SCLT1: variants seen among roughly 807,000 people sequenced by gnomAD.
SCLT1 encodes sodium channel and clathrin linker 1.
A neutral mutation model predicts 112.8 loss-of-function variants in SCLT1; 78 were observed. That is an observed-to-expected ratio of 0.69 (90% CI 0.58 to 0.83). The LOEUF (loss-of-function observed/expected upper bound fraction) is 0.83. SCLT1 is among the 40% of genes least tolerant of loss of function. The pLI is 0.00. For synonymous variants in SCLT1, 257 were observed against 254.7 expected (o/e 1.01, Z -0.09); for missense variants, 747 against 770.4 (o/e 0.97, Z 0.36).
chr4:129,083,749 T>C (rs1473695774), intron 1 of SCLT1, among the ~76,000 whole-genome samples: 1 of 152,192 alleles, frequency 6.6e-6, no homozygotes, highest in African/African-American at 2.4e-5. Flanking sequence ...GAAAATGTGA[T>C]ACCTCCAAAC....
chr4:128,986,424 G>A (rs1052038096), intron 9 of SCLT1, among the ~76,000 whole-genome samples: 2 of 152,170 alleles, frequency 1.3e-5, no homozygotes, highest in Admixed American at 6.5e-5. Flanking sequence ...CAGTCCTAAG[G>A]CAAGCCCTGG....
intron 2 of SCLT1, among the ~76,000 whole-genome samples, chr4:129,064,263 A>G (rs905255328): frequency 1.3e-5 from 2 of 152,206 alleles, no homozygotes; most frequent in Admixed American, 6.6e-5. Flanking sequence ...TTTTTCTGTC[A>G]GTCTGTGGTA....
At chr4:129,006,107 G>A (rs982196676) in intron 5 of SCLT1, among the ~76,000 whole-genome samples, 1 of 151,090 alleles carries the variant, frequency 6.6e-6, no homozygotes, top group African/African-American at 2.4e-5. Flanking sequence ...CATGGCACAG[G>A]TATACATATG....
chr4:129,041,778 C>T (rs1244913218), intron 4 of SCLT1: 1 of 152,250 alleles, frequency 6.6e-6, no homozygotes, highest in Non-Finnish European at 1.5e-5. Flanking sequence ...CAGAGTCTCA[C>T]TCTGTTGCCC....
chr4:129,067,011 CA>C (rs1206338272), intron 2 of SCLT1, among the ~76,000 whole-genome samples: 7 of 151,944 alleles, frequency 4.6e-5, no homozygotes, highest in Non-Finnish European at 8.8e-5. Context: ...TGAAACATAA[CA>C]AAATCTGAAA....
downstream of SCLT1, among the ~76,000 whole-genome samples, chr4:128,881,954 G>A (rs1382048986): frequency 6.6e-6 from 1 of 152,088 alleles, no homozygotes; most frequent in Non-Finnish European, 1.5e-5. Flanking sequence ...AGTACGCAAG[G>A]AGATCCAAGA....
At chr4:129,082,958 G>A (rs1178153329) in intron 1 of SCLT1, among the ~76,000 whole-genome samples, 2 of 152,066 alleles carry the variant, frequency 1.3e-5, no homozygotes, top group South Asian at 2.1e-4. Flanking sequence ...TTGGGAGGCC[G>A]AGGCAGATGG....
rs189378336 is a variant in SCLT1, at chr4:129,069,138, T to C, written c.102+13168A>G. On this transcript the variant is annotated intron_variant, in intron 2 of 20. Coordinates refer to ENST00000281142, the MANE Select transcript of SCLT1 (RefSeq NM_144643.4). ...ATTCCGTTCCATTGGTCTATGTGCCTATTTTTATACCAGTACCATGCTGTT... is the reference window on the plus strand; with the variant it reads ...ATTCCGTTCCATTGGTCTATGTGCCCATTTTTATACCAGTACCATGCTGTT... Among the ~76,000 whole-genome samples, 734 of 152,330 alleles carry C rather than the reference T, an allele frequency of 4.8e-3. 6 individuals carry two copies. The highest frequency in any genetic ancestry group is 0.017 in the African/African-American group (697 of 41,578).
At chr4:129,077,113 C>T (rs2125765234) in intron 2 of SCLT1, among the ~76,000 whole-genome samples, 1 of 152,124 alleles carries the variant, frequency 6.6e-6, no homozygotes, top group South Asian at 2.1e-4. Flanking sequence ...GAACAATAAG[C>T]TTCAAAATGG....
chr4:129,057,820 C>A (rs562347122), intron 2 of SCLT1, among the ~76,000 whole-genome samples: 8 of 151,248 alleles, frequency 5.3e-5, no homozygotes, highest in Admixed American at 2.0e-4. Flanking sequence ...GGCATGATCT[C>A]GACTCACTGC....
At chr4:128,935,486 C>T (rs1456271569) in intron 18 of SCLT1, among the ~76,000 whole-genome samples, 3 of 152,008 alleles carry the variant, frequency 2.0e-5, no homozygotes, top group Non-Finnish European at 4.4e-5. Flanking sequence ...TCTGTGTATT[C>T]ATTATCTATG....
At chr4:128,974,769 G>A (rs981864826) in intron 9 of SCLT1, among the ~76,000 whole-genome samples, 2 of 151,916 alleles carry the variant, frequency 1.3e-5, no homozygotes, top group African/African-American at 4.8e-5. Flanking sequence ...ACATGCAAAT[G>A]TTTTAGATAT....
In SCLT1 at chr4:129,029,277, C is replaced by G. The variant is rs185183440; in HGVS notation, c.290+9764G>C. On this transcript the variant is annotated intron_variant, in intron 5 of 20. Coordinates refer to ENST00000281142, the MANE Select transcript of SCLT1 (RefSeq NM_144643.4). Reference sequence around the variant, plus strand: ...CAATAGCAAAGACTTGGAACCAACCCAAATGTCCAACAATGATAGACTGGA... The same window carrying G: ...CAATAGCAAAGACTTGGAACCAACCGAAATGTCCAACAATGATAGACTGGA... Among the ~76,000 whole-genome samples, 1,172 of 152,052 alleles carry G rather than the reference C, an allele frequency of 7.7e-3. 37 individuals are homozygous for G. In the East Asian group the frequency reaches 0.08, roughly 10 times the overall value.
At chr4:128,938,787 G>A (rs1382388777) in intron 17 of SCLT1, among the ~76,000 whole-genome samples, 1 of 152,130 alleles carries the variant, frequency 6.6e-6, no homozygotes, top group Non-Finnish European at 1.5e-5. Context: ...TTCGAAACCA[G>A]CCTGGCCAAC....
intron 2 of SCLT1, among the ~76,000 whole-genome samples, chr4:129,055,104 C>G (rs1478238219): frequency 6.6e-6 from 1 of 152,202 alleles, no homozygotes; most frequent in Admixed American, 6.5e-5. Context: ...GGCTGCAGAA[C>G]AGCAAAGATG....
At chr4:128,933,898 C>G (rs1157613433) in intron 18 of SCLT1, among the ~76,000 whole-genome samples, 1 of 151,916 alleles carries the variant, frequency 6.6e-6, no homozygotes, top group Non-Finnish European at 1.5e-5. Context: ...CTACTAGAAA[C>G]AGTTTATGAT....
At chr4:128,996,178 A>G (rs951035518) in intron 8 of SCLT1, among the ~76,000 whole-genome samples, 11 of 152,048 alleles carry the variant, frequency 7.2e-5, no homozygotes, top group African/African-American at 2.7e-4. Flanking sequence ...TCTCCCTGCT[A>G]GCTTTGGTGA....
intron 18 of SCLT1, among the ~76,000 whole-genome samples, chr4:128,920,134 T>G (rs907920655): frequency 2.6e-5 from 4 of 152,168 alleles, no homozygotes; most frequent in Non-Finnish European, 5.9e-5. Flanking sequence ...TGATCATAGA[T>G]GCAAAAGTCC....
chr4:128,889,797 A>G (rs1733170536), intron 19 of SCLT1, among the ~76,000 whole-genome samples: 1 of 152,256 alleles, frequency 6.6e-6, no homozygotes, highest in Non-Finnish European at 1.5e-5. Flanking sequence ...TCTGGCACTT[A>G]TCTGAATGAG....
Sources: gnomAD v4.1 joint callset for allele counts (sites outside exome capture counted in the v4.1 genomes callset) on GRCh38, gnomAD v4.1.1 for gene constraint, MANE v1.5 for transcripts, NCBI Gene and HGNC (gene_info 2026-07-23, HGNC 2026-07-21) for gene names.